BTBD3: variants seen among roughly 807,000 people sequenced by gnomAD.
The protein encoded by BTBD3 is BTB domain containing 3, also known as BTB/POZ domain-containing protein 3.
Under a neutral mutation model 41.6 loss-of-function variants are expected in BTBD3, and 14 were observed. The ratio of observed to expected loss-of-function variants is 0.34; its 90% CI spans 0.22 to 0.53. The LOEUF is 0.53. Ranked by LOEUF, BTBD3 falls within the 20% of genes least tolerant of loss-of-function variation. BTBD3 has a pLI of 0.95. For synonymous variants in BTBD3, 249 were observed against 233.7 expected (o/e 1.07, Z -0.60); for missense variants, 426 against 654.7 (o/e 0.65, Z 3.81).
chr20:11,902,239 T>G (rs1255336251), intron 1 of BTBD3, among the ~76,000 whole-genome samples: 5 of 152,138 alleles, frequency 3.3e-5, no homozygotes, highest in African/African-American at 4.8e-5. Flanking sequence ...ATTATGAAAA[T>G]CATAAGGAAG....
intron 1 of BTBD3, among the ~76,000 whole-genome samples, chr20:11,908,285 C>T (rs7269156): frequency 0.013 from 1,689 of 125,740 alleles, 27 homozygotes; most frequent in African/African-American, 0.048. Flanking sequence ...GAGTTCATAT[C>T]TCTGTTAACT....
chr20:11,924,584 C>T lies in BTBD3; in HGVS notation c.*918C>T, dbSNP rs1307078241. Reference sequence around the variant, plus strand: ...CCACTGTTTGCTTATTTGTATAAGTCATACTGTGTAGAATTTCTATTTTCT... The same window carrying T: ...CCACTGTTTGCTTATTTGTATAAGTTATACTGTGTAGAATTTCTATTTTCT... On this transcript the variant is annotated 3_prime_UTR_variant, in exon 4 of 4. Transcript: ENST00000378226. The T allele has an allele frequency of 6.6e-6, 1 of 152,606 alleles. No individual in the cohort carries two copies. The highest frequency in any genetic ancestry group is 1.5e-5 in the Non-Finnish European group (1 of 68,026). 9.5% of individuals were successfully genotyped at this position (152,606 alleles called of 1,614,324 possible).
At chr20:11,892,204 A>G (rs531925505) in intron 1 of BTBD3, among the ~76,000 whole-genome samples, 1 of 152,316 alleles carries the variant, frequency 6.6e-6, no homozygotes, top group Non-Finnish European at 1.5e-5. Context: ...ATGTGACTCT[A>G]GCACTCAAAA....
At chr20:11,895,164 C>G (rs958748415) in intron 1 of BTBD3, among the ~76,000 whole-genome samples, 1 of 152,050 alleles carries the variant, frequency 6.6e-6, no homozygotes, top group African/African-American at 2.4e-5. Flanking sequence ...ACTTTGAGGT[C>G]TGCTTCAGTT....
At chr20:11,906,969 C>T (rs1296020799) in intron 1 of BTBD3, among the ~76,000 whole-genome samples, 1 of 152,042 alleles carries the variant, frequency 6.6e-6, no homozygotes, top group East Asian at 1.9e-4. Flanking sequence ...GACTGCTTTC[C>T]TCTTTTCACG....
At position 11,897,079 on chromosome 20, in the gene BTBD3, T is replaced by A. The variant is rs978476744; in HGVS notation, c.-126+6125T>A. On this transcript the variant is annotated intron_variant, in intron 1 of 4. Transcript: ENST00000254977. ...GCCTTCCCTTCTATACCGCTGGCCT[T>A]CTGGTTTCTTTTCAGTTGTTTTTAA... is the stretch of plus-strand genomic sequence containing the variant. 2.6e-5 allele frequency among the ~76,000 whole-genome samples: 4 copies of A among 152,308 alleles called. No individual in the cohort carries two copies. In the South Asian group the frequency reaches 8.3e-4, roughly 32 times the overall value.
At position 11,923,005 on chromosome 20, in the gene BTBD3, C is replaced by G; in HGVS notation, c.908C>G (p.Ala303Gly). 1.2e-6 allele frequency: 2 copies of G among 1,614,192 alleles called. No individual in the cohort carries two copies. The highest frequency in any genetic ancestry group is 1.7e-6 in the Non-Finnish European group (2 of 1,180,042). The change falls in exon 4 of 4, where the codon GCG becomes GGG. Residue 303 changes from alanine to glycine, a missense_variant. By Grantham distance (60) the Ala-to-Gly change is moderately conservative. Coordinates refer to ENST00000378226, the MANE Select transcript of BTBD3 (RefSeq NM_014962.4). This position sits in a 1 kb window ranked among gnomAD's most constrained non-coding sequence, Gnocchi z 5.3. ...GTAGAATGCCAACGACAAGATCTGG[C>G]GTTGAGCATTGAAAATAAACGCAAG... ...AEVECQRQDL[A>G]LSIENKRKVL...
chr20:11,920,720 G>C (rs1016513317), intron 3 of BTBD3, among the ~76,000 whole-genome samples: 1 of 151,946 alleles, frequency 6.6e-6, no homozygotes, highest in African/African-American at 2.4e-5. Flanking sequence ...TTACTTTAAG[G>C]TTATCTGTTG....
chr20:11,919,691 T>G (rs1236708805), intron 2 of BTBD3, 27 bp from the exon 3 acceptor site: 3 of 1,598,768 alleles, frequency 1.9e-6, no homozygotes. Context: ...ATTTAGTGTA[T>G]GAAATAAGAT....
chr20:11,899,284 A>T (rs2056809534), intron 1 of BTBD3, among the ~76,000 whole-genome samples: 1 of 152,202 alleles, frequency 6.6e-6, no homozygotes. Flanking sequence ...AAAGGATCTC[A>T]GTCCTTTACC....
At chr20:11,922,554 C>T in intron 3 of BTBD3, 80 bp from the exon 4 acceptor site, 1 of 1,321,148 alleles carries the variant, frequency 7.6e-7, no homozygotes, top group Non-Finnish European at 1.1e-6. Flanking sequence ...TCAGAACAAA[C>T]TTGAAAGTGG....
chr20:11,917,390 T>C (rs1246443886), upstream of BTBD3, among the ~76,000 whole-genome samples: 1 of 152,174 alleles, frequency 6.6e-6, no homozygotes, highest in Admixed American at 6.5e-5. Context: ...AGTTCTCTTC[T>C]TTAGCACTAG....
At chr20:11,890,950 T>G (rs2056747219) in exon 1 of BTBD3, 1 of 983,680 alleles carries the variant, frequency 1.0e-6, no homozygotes, top group Non-Finnish European at 1.2e-6. Context: ...GGAGGAGCGC[T>G]GGCGGTGAGT....
chr20:11,891,993 T>C (rs774822379), intron 1 of BTBD3, among the ~76,000 whole-genome samples: 5 of 152,128 alleles, frequency 3.3e-5, no homozygotes, highest in Admixed American at 2.0e-4. Flanking sequence ...GATCCCCAGG[T>C]GATCGCGCAG....
chr20:11,919,482 T>A, intron 2 of BTBD3: 1 of 1,349,888 alleles, frequency 7.4e-7, no homozygotes, highest in Non-Finnish European at 9.7e-7. Flanking sequence ...GCTATTATTG[T>A]ATGTATTTAG....
chr20:11,899,684 A>G (rs1207214811), intron 1 of BTBD3, among the ~76,000 whole-genome samples: 1 of 151,998 alleles, frequency 6.6e-6, no homozygotes, highest in Non-Finnish European at 1.5e-5. Flanking sequence ...AGTTTTGCTT[A>G]TTGTGTTTCT....
At chr20:11,912,315 G>A (rs1016825319) in intron 1 of BTBD3, among the ~76,000 whole-genome samples, 2 of 152,196 alleles carry the variant, frequency 1.3e-5, no homozygotes, top group African/African-American at 4.8e-5. Flanking sequence ...GCCAACAGGT[G>A]GCCTCATGGA....
chr20:11,906,130 T>C (rs901399816), intron 1 of BTBD3, among the ~76,000 whole-genome samples: 21 of 152,002 alleles, frequency 1.4e-4, no homozygotes, highest in Non-Finnish European at 2.8e-4. Context: ...CTCTTAATGG[T>C]TTTTAAAATC....
chr20:11,921,971 A>G (rs1600248098), intron 3 of BTBD3, among the ~76,000 whole-genome samples: 1 of 152,228 alleles, frequency 6.6e-6, no homozygotes, highest in Non-Finnish European at 1.5e-5. Context: ...AAGCTTTCCT[A>G]CTTTGTCTTT....
Sources: gnomAD v4.1 joint callset for allele counts (sites outside exome capture counted in the v4.1 genomes callset) on GRCh38, gnomAD v4.1.1 for gene constraint, Gnocchi (gnomAD v3.1) non-coding constraint, MANE v1.5 for transcripts, NCBI Gene and HGNC (gene_info 2026-07-23, HGNC 2026-07-21) for gene names.